The following BAIAP2 variants were observed in gnomAD, a reference collection of about 807,000 sequenced individuals.
The protein encoded by BAIAP2 is BAR/IMD domain containing adaptor protein 2.
In BAIAP2, 18 loss-of-function variants were observed where a neutral mutation model predicts 63.0. The observed-to-expected ratio is 0.29, with a 90% confidence interval of 0.20 to 0.42. The LOEUF (loss-of-function observed/expected upper bound fraction) is 0.42, where lower values mean the gene tolerates loss of function less well. Among genes scored for constraint, BAIAP2 ranks in the 10% least tolerant of loss-of-function variants. The pLI is 1.00. For synonymous variants in BAIAP2, 386 were observed against 307.6 expected (o/e 1.25, Z -2.67); for missense variants, 610 against 734.3 (o/e 0.83, Z 1.96).
At chr17:81,065,010 C>T (rs1043481067) in intron 3 of BAIAP2, among the ~76,000 whole-genome samples, 5 of 152,232 alleles carry the variant, frequency 3.3e-5, no homozygotes, top group South Asian at 2.1e-4. Flanking sequence ...CATGGTGTTT[C>T]TCCCTTCCAG....
intron 2 of BAIAP2, among the ~76,000 whole-genome samples, chr17:81,056,966 C>A (rs1287877119): frequency 6.6e-6 from 1 of 152,266 alleles, no homozygotes; most frequent in Non-Finnish European, 1.5e-5. Flanking sequence ...GCACACCCGT[C>A]CCAGGCACAG....
chr17:81,109,223 G>T, intron 13 of BAIAP2: 1 of 1,378,644 alleles, frequency 7.3e-7, no homozygotes, highest in East Asian at 2.8e-5. Context: ...CATCCTGTGT[G>T]TCCCAGCCTT....
At chr17:81,074,778 C>A (rs1053337184) in intron 3 of BAIAP2, among the ~76,000 whole-genome samples, 3 of 151,906 alleles carry the variant, frequency 2.0e-5, no homozygotes, top group African/African-American at 7.3e-5. Context: ...GCATAAGTGC[C>A]TGTGTGTCTG....
intron 6 of BAIAP2, among the ~76,000 whole-genome samples, chr17:81,096,234 C>T (rs1252504079): frequency 6.6e-6 from 1 of 152,218 alleles, no homozygotes; most frequent in Non-Finnish European, 1.5e-5. Context: ...GGATCTCCTG[C>T]TGAGTGCTCT....
chr17:81,069,927 GT>G (rs1415474574), intron 3 of BAIAP2, among the ~76,000 whole-genome samples: 1 of 152,090 alleles, frequency 6.6e-6, no homozygotes, highest in Non-Finnish European at 1.5e-5. Flanking sequence ...AGATTGGAGG[GT>G]TTTTTGTTTT....
intron 1 of BAIAP2, among the ~76,000 whole-genome samples, chr17:81,048,853 G>A (rs1490566693): frequency 1.3e-5 from 2 of 152,232 alleles, no homozygotes. Flanking sequence ...GGGCAGCCAA[G>A]CGTGCGGGCA....
intron 1 of BAIAP2, among the ~76,000 whole-genome samples, chr17:81,037,300 C>G (rs147515523): frequency 1.8e-4 from 27 of 152,244 alleles, no homozygotes; most frequent in Non-Finnish European, 3.5e-4. Flanking sequence ...TCTGAAGGGT[C>G]GATCCACTCT....
intron 10 of BAIAP2, 57 bp from the exon 11 acceptor site, chr17:81,106,021 T>G: frequency 2.0e-6 from 3 of 1,479,544 alleles, no homozygotes; most frequent in Non-Finnish European, 2.8e-6. Flanking sequence ...TGGTGGTCGG[T>G]GGGGGATGGG....
intron 1 of BAIAP2, among the ~76,000 whole-genome samples, chr17:81,052,898 G>A (rs992400670): frequency 6.6e-6 from 1 of 152,190 alleles, no homozygotes; most frequent in South Asian, 2.1e-4. Context: ...CGGAAGACAC[G>A]GGAGGTGGCT....
chr17:81,105,969 C>G, intron 10 of BAIAP2, 109 bp from the exon 11 acceptor site: 1 of 906,666 alleles, frequency 1.1e-6, no homozygotes. Context: ...CCAGAGACAG[C>G]CGCGCAGCCA....
intron 4 of BAIAP2, chr17:81,085,255 G>T (rs1003119319): frequency 6.0e-6 from 3 of 496,506 alleles, no homozygotes; most frequent in Non-Finnish European, 1.1e-5. Flanking sequence ...CACAACCAGA[G>T]CACGTTGCTG....
chr17:81,075,554 G>C (rs923008743), intron 3 of BAIAP2, among the ~76,000 whole-genome samples: 13 of 152,244 alleles, frequency 8.5e-5, no homozygotes, highest in African/African-American at 3.1e-4. Context: ...ACGCGGCTGT[G>C]TCAGAGCAGT....
At chr17:81,057,526 G>T in intron 2 of BAIAP2, 1 of 529,368 alleles carries the variant, frequency 1.9e-6, no homozygotes, top group East Asian at 1.1e-4. Flanking sequence ...CCTTGCCCAG[G>T]GTTGGTTCTT....
chr17:81,109,578 A>C, intron 13 of BAIAP2: 1 of 985,304 alleles, frequency 1.0e-6, no homozygotes, highest in South Asian at 4.7e-5. Context: ...GCACAGAGAA[A>C]GGGGGCTCGT....
chr17:81,065,479 G>C (rs997623680), intron 3 of BAIAP2, among the ~76,000 whole-genome samples: 2 of 152,218 alleles, frequency 1.3e-5, no homozygotes, highest in Admixed American at 1.3e-4. Context: ...TCACCATGCC[G>C]CTGGGCCGTG....
chr17:81,041,522 T>C (rs1458838867), intron 1 of BAIAP2, among the ~76,000 whole-genome samples: 1 of 152,224 alleles, frequency 6.6e-6, no homozygotes, highest in Non-Finnish European at 1.5e-5. Context: ...AGTTGTCTTA[T>C]AATTGGGTAG....
chr17:81,054,938 C>T (rs1373458627), intron 2 of BAIAP2, among the ~76,000 whole-genome samples: 1 of 152,170 alleles, frequency 6.6e-6, no homozygotes, highest in Non-Finnish European at 1.5e-5. Flanking sequence ...TATTCTTGGA[C>T]AGTGACCCCC....
Position 81,108,501 on chromosome 17 carries a change from C to T in BAIAP2, c.1527C>T (p.Ser509=). ...GCCTGGATGACTATGGAGCGCGGTC[C>T]ATGAGCAGGTAAGGGGACTTTCAGA... ...SQGLDDYGAR[S]MSRNPFAHVQ... is the part of the protein sequence containing the mutation. The change falls in exon 13 of 14, where the codon TCC becomes TCT. Residue 509 remains serine, a synonymous_variant. Transcript: ENST00000428708. 6.2e-7 allele frequency: 1 copy of T among 1,613,872 alleles called. No homozygotes were observed. The highest frequency in any genetic ancestry group is 8.5e-7 in the Non-Finnish European group (1 of 1,180,026).
At chr17:81,086,688 A>G (rs2055709657) in intron 6 of BAIAP2, 108 bp downstream of exon 6, 8 of 1,289,884 alleles carry the variant, frequency 6.2e-6, no homozygotes, top group Non-Finnish European at 8.7e-6. Context: ...AGGTGCGATC[A>G]GACAGAGGCA....
Sources: gnomAD v4.1 joint callset for allele counts (sites outside exome capture counted in the v4.1 genomes callset) on GRCh38, gnomAD v4.1.1 for gene constraint, MANE v1.5 for transcripts, NCBI Gene and HGNC (gene_info 2026-07-23, HGNC 2026-07-21) for gene names.